CCSER2: variants seen among roughly 807,000 people sequenced by gnomAD.
The protein encoded by CCSER2 is serine-rich coiled-coil domain-containing protein 2.
A neutral mutation model predicts 92.3 loss-of-function variants in CCSER2; 46 were observed. The ratio of observed to expected loss-of-function variants is 0.50; its 90% confidence interval spans 0.39 to 0.64. CCSER2 has a LOEUF of 0.64. Ranked by LOEUF, CCSER2 falls within the 30% of genes least tolerant of loss-of-function variation. The pLI, the probability that CCSER2 is intolerant of heterozygous loss-of-function variation, is 0.00. For synonymous variants in CCSER2, 433 were observed against 431.4 expected, an observed-to-expected ratio of 1.00 and a Z score of -0.04; for missense variants, 1,244 against 1,238.9, an observed-to-expected ratio of 1.00 and a Z score of -0.06.
chr10:84,513,387 T>G, intron 9 of CCSER2, 62 bp from the exon 10 acceptor site: 1 of 1,240,820 alleles, frequency 8.1e-7, no homozygotes, highest in South Asian at 1.4e-5. Flanking sequence ...AATTGGTATT[T>G]ATATTAAATC....
At chr10:84,396,870 A>G (rs1401275684) in intron 3 of CCSER2, among the ~76,000 whole-genome samples, 1 of 152,126 alleles carries the variant, frequency 6.6e-6, no homozygotes, top group Non-Finnish European at 1.5e-5. Context: ...ACCGCTGTAT[A>G]CTACTTATTT....
intron 1 of CCSER2, among the ~76,000 whole-genome samples, chr10:84,352,549 A>G (rs1447675012): frequency 6.6e-6 from 1 of 151,536 alleles, no homozygotes. Flanking sequence ...GTATATATAA[A>G]AGTTTGTTGG....
chr10:84,513,685 T>C lies in CCSER2; in HGVS notation c.2562T>C (p.Ser854=). ...AATTAACAATGGATGTGGCTAAGAGTACACCTTCTGAAGCAAACTTAAACA... is the reference window on the plus strand; with the variant it reads ...AATTAACAATGGATGTGGCTAAGAGCACACCTTCTGAAGCAAACTTAAACA... ...GPQLTMDVAK[S]TPSEANLNIT... is the part of the protein sequence containing the mutation. The change falls in exon 10 of 10, where the codon AGT becomes AGC. Residue 854 remains serine, a synonymous_variant. Transcript: ENST00000372088. 6.5e-7 allele frequency: 1 copy of C among 1,549,008 alleles called. No homozygotes were observed. The highest frequency in any genetic ancestry group is 1.7e-4 in the Middle Eastern group (1 of 5,998).
At position 84,371,024 on chromosome 10, in the gene CCSER2, C is replaced by G; in HGVS notation, c.-29C>G. The G allele has an allele frequency of 1.4e-6, 2 of 1,431,518 alleles. No individual in the cohort carries two copies. Among genetic ancestry groups the G allele is most frequent in the Non-Finnish European group, 1.9e-6 (2 of 1,064,714 alleles). The allele number at this position is 1,431,518 out of a possible 1,614,324, so 88.7% of individuals were successfully genotyped here. Reference sequence around the variant, plus strand: ...TTTTTCTCTTCACAGATTCTTTCAACTTTTAAGAACAAATGCACCTTATAG... The same window carrying G: ...TTTTTCTCTTCACAGATTCTTTCAAGTTTTAAGAACAAATGCACCTTATAG... On this transcript the variant is annotated 5_prime_UTR_variant, in exon 2 of 10. Transcript: ENST00000372088.
rs1198408595 is a variant in CCSER2, at chr10:84,441,734, ATG to A, written c.2064+3029_2064+3030del. ...GGGAATAAAGTAGAAGACTGGGAAAATGTTTTTTTTTTTTTTTTTTTTTTTTT... is the reference window on the plus strand; with the variant it reads ...GGGAATAAAGTAGAAGACTGGGAAAATTTTTTTTTTTTTTTTTTTTTTTTT... On this transcript the variant is annotated intron_variant, in intron 6 of 9. Coordinates refer to ENST00000372088, the MANE Select transcript of CCSER2 (RefSeq NM_001284240.2). 3.9e-4 allele frequency among the ~76,000 whole-genome samples: 41 copies of A among 106,440 alleles called. 3 individuals are homozygous for A. The highest frequency in any genetic ancestry group is 1.0e-3 in the South Asian group (3 of 2,964). The allele number at this position is 106,440 out of a possible 152,430, so 69.8% of individuals were successfully genotyped here. A position where few individuals can be genotyped will look rare whatever the true frequency, so the allele number is the denominator to read the frequency against.
At chr10:84,423,246 A>T (rs1843243489) in intron 4 of CCSER2, among the ~76,000 whole-genome samples, 1 of 152,212 alleles carries the variant, frequency 6.6e-6, no homozygotes, top group Non-Finnish European at 1.5e-5. Flanking sequence ...CACGTGATTG[A>T]TGGATGCCTT....
chr10:84,392,747 T>C (rs1841596499), intron 3 of CCSER2, among the ~76,000 whole-genome samples: 1 of 152,178 alleles, frequency 6.6e-6, no homozygotes, highest in Non-Finnish European at 1.5e-5. Context: ...GTCACTCCTT[T>C]TACCTTTTTT....
At chr10:84,468,796 C>A (rs1846609369) in intron 7 of CCSER2, among the ~76,000 whole-genome samples, 1 of 151,516 alleles carries the variant, frequency 6.6e-6, no homozygotes, top group Non-Finnish European at 1.5e-5. Flanking sequence ...ATATAGATTC[C>A]TAGGAGTAGG....
intron 1 of CCSER2, among the ~76,000 whole-genome samples, chr10:84,334,326 G>C (rs899314517): frequency 1.3e-5 from 2 of 152,044 alleles, no homozygotes; most frequent in African/African-American, 4.8e-5. Flanking sequence ...TACAGGTGCT[G>C]ATGCTGGGGT....
intron 4 of CCSER2, among the ~76,000 whole-genome samples, chr10:84,421,297 C>T (rs1843137180): frequency 6.6e-6 from 1 of 152,116 alleles, no homozygotes; most frequent in African/African-American, 2.4e-5. Context: ...TTGTATTAAT[C>T]CATTCTCACG....
chr10:84,424,336 G>A (rs989402531), intron 4 of CCSER2, among the ~76,000 whole-genome samples: 1 of 148,970 alleles, frequency 6.7e-6, no homozygotes, highest in African/African-American at 2.5e-5. Flanking sequence ...ATTGAAATAA[G>A]TTCAAATGTA....
chr10:84,470,321 TCTCATTATGGTATTTTAAATAC>T, intron 7 of CCSER2, 29 bp from the exon 8 acceptor site: 1 of 1,000,996 alleles, frequency 1.0e-6, no homozygotes, highest in East Asian at 3.7e-5. Flanking sequence ...ATTTCATGCC[TCTCATTATGGTATTTTAAATAC>T]CTCATCTAAA....
At chr10:84,484,920 C>T (rs1008386396) in intron 9 of CCSER2, among the ~76,000 whole-genome samples, 5 of 152,044 alleles carry the variant, frequency 3.3e-5, no homozygotes, top group East Asian at 1.9e-4. Flanking sequence ...CTTAAGGATA[C>T]GAACAAATTA....
intron 3 of CCSER2, among the ~76,000 whole-genome samples, chr10:84,412,135 A>G (rs561148607): frequency 8.8e-4 from 134 of 152,282 alleles, no homozygotes; most frequent in Middle Eastern, 6.8e-3. Flanking sequence ...ATGTTGAAAC[A>G]GGCCTTGCAT....
In CCSER2 at chr10:84,373,688, G is replaced by C; in HGVS notation, c.1487G>C (p.Gly496Ala). The C allele has an allele frequency of 6.2e-7, 1 of 1,613,662 alleles. No individual in the cohort carries two copies. The highest frequency in any genetic ancestry group is 8.5e-7 in the Non-Finnish European group (1 of 1,179,740). Reference protein sequence around the residue: ...LVSPDTDYRAGSSFELSPSDS... With the variant: ...LVSPDTDYRAASSFELSPSDS... ...TCACCAGATACAGACTACAGAGCTG[G>C]TTCTTCGTTTGAACTCTCTCCATCT... is the stretch of plus-strand genomic sequence containing the variant. Residue 496 changes from glycine to alanine, a missense_variant, in exon 3 of 10, where the codon GGT becomes GCT. By Grantham distance (60) the Gly-to-Ala change is moderately conservative. Transcript: ENST00000372088.
intron 5 of CCSER2, among the ~76,000 whole-genome samples, chr10:84,437,933 G>A (rs1844284551): frequency 1.3e-5 from 2 of 151,422 alleles, no homozygotes; most frequent in African/African-American, 4.9e-5. Flanking sequence ...TTTTTTTAAT[G>A]CACTGTAAGA....
chr10:84,471,196 G>A lies in CCSER2; in HGVS notation c.2235+738G>A, dbSNP rs74580827. On this transcript the variant is annotated intron_variant, in intron 8 of 9. Coordinates refer to ENST00000372088, the MANE Select transcript of CCSER2 (RefSeq NM_001284240.2). ...CATATACTGAGCTCTGAGCCACTGG[G>A]GTCAGCTCACGGAGATCCATTTCAT... is the stretch of plus-strand genomic sequence containing the variant. 2.5e-3 allele frequency among the ~76,000 whole-genome samples: 386 copies of A among 151,812 alleles called. 2 individuals carry two copies. Among genetic ancestry groups the A allele is most frequent in the African/African-American group, 8.5e-3 (354 of 41,418 alleles).
intron 8 of CCSER2, among the ~76,000 whole-genome samples, chr10:84,475,099 C>T (rs1564703197): frequency 6.6e-6 from 1 of 152,156 alleles, no homozygotes; most frequent in Non-Finnish European, 1.5e-5. Flanking sequence ...TCTCCAGTGT[C>T]TGTTTTTAAA....
chr10:84,441,524 A>C (rs956389860), intron 6 of CCSER2, among the ~76,000 whole-genome samples: 1 of 151,842 alleles, frequency 6.6e-6, no homozygotes, highest in Non-Finnish European at 1.5e-5. Context: ...TGGAATATTT[A>C]TTCAAATTTA....
Sources: allele counts gnomAD v4.1 joint callset (sites outside exome capture counted in the v4.1 genomes callset), GRCh38; gene constraint gnomAD v4.1.1; transcripts MANE v1.5; gene names NCBI Gene and HGNC (gene_info 2026-07-23, HGNC 2026-07-21).